TKT: variants seen among roughly 807,000 people sequenced by gnomAD.
The protein encoded by TKT is transketolase.
Under a neutral mutation model 63.9 loss-of-function variants are expected in TKT, and 47 were observed. That is an observed-to-expected ratio of 0.74 (90% CI 0.58 to 0.94). The LOEUF (loss-of-function observed/expected upper bound fraction) is 0.94. Ranked by LOEUF, TKT falls within the 40% of genes least tolerant of loss-of-function variation. The probability of loss-of-function intolerance (pLI) is 0.00; values close to 1 mark genes in which losing one functional copy is unlikely to be tolerated. For synonymous variants in TKT, 338 were observed against 334.1 expected, an observed-to-expected ratio of 1.01 and a Z score of -0.13; for missense variants, 721 against 846.2, an observed-to-expected ratio of 0.85 and a Z score of 1.84.
chr3:53,249,020 G>A (rs553491621), intron 1 of TKT, among the ~76,000 whole-genome samples: 9 of 151,876 alleles, frequency 5.9e-5, no homozygotes, highest in East Asian at 3.9e-4. Context: ...AGGCTGGAGT[G>A]CAGTGGTACA....
chr3:53,250,723 G>A (rs1048582742), intron 1 of TKT, among the ~76,000 whole-genome samples: 8 of 152,186 alleles, frequency 5.3e-5, no homozygotes, highest in Non-Finnish European at 1.2e-4. Flanking sequence ...AGTGAGCAGA[G>A]ATCACGCCAC....
chr3:53,230,341 T>C (rs966923522), intron 8 of TKT, 116 bp downstream of exon 8: 1 of 1,351,462 alleles, frequency 7.4e-7, no homozygotes, highest in Non-Finnish European at 1.0e-6. Context: ...TTTCTTATAG[T>C]CTCCCTGGGC....
chr3:53,225,197 G>A lies in TKT; in HGVS notation c.*559C>T, dbSNP rs2106649188. Reference sequence around the variant, plus strand: ...TTTCCCCCAGGACGAAGGCTGCCCTGTCTCTGCTTCTCTGAGATGCCTAGT... The same window carrying A: ...TTTCCCCCAGGACGAAGGCTGCCCTATCTCTGCTTCTCTGAGATGCCTAGT... On this transcript the variant is annotated 3_prime_UTR_variant, in exon 14 of 14. Transcript: ENST00000462138. The A allele has an allele frequency of 6.6e-6, 1 of 152,406 alleles. No homozygotes were observed. The highest frequency in any genetic ancestry group is 1.9e-4 in the East Asian group (1 of 5,182). The allele number at this position is 152,406 out of a possible 1,614,324, so 9.4% of individuals were successfully genotyped here. A position where few individuals can be genotyped will look rare whatever the true frequency, so the allele number is the denominator to read the frequency against.
intron 1 of TKT, among the ~76,000 whole-genome samples, chr3:53,243,327 A>G (rs34618710): frequency 6.6e-6 from 1 of 151,948 alleles, no homozygotes; most frequent in African/African-American, 2.4e-5. Flanking sequence ...CTCCACATGC[A>G]GCTCAGCTCA....
In TKT at chr3:53,225,943, A is replaced by C; in HGVS notation, c.1697-12T>G. The C allele has an allele frequency of 1.9e-6, 3 of 1,600,882 alleles. No homozygotes were observed. The highest frequency in any genetic ancestry group is 2.6e-6 in the Non-Finnish European group (3 of 1,171,438). On this transcript the variant is annotated splice_polypyrimidine_tract_variant and intron_variant, in intron 13 of 13. Transcript: ENST00000462138. ...CTCACCAATGCCACCTAGAAATGAA[A>C]GGAGGGGAGTCAGAAGACGAGGCCT...
chr3:53,231,863 G>A (rs1704779238), intron 6 of TKT: 1 of 388,440 alleles, frequency 2.6e-6, no homozygotes. Flanking sequence ...CTTCACCAAT[G>A]TGTCCATTCT....
chr3:53,239,678 C>A (rs1259065236), intron 4 of TKT, among the ~76,000 whole-genome samples: 2 of 152,074 alleles, frequency 1.3e-5, no homozygotes, highest in African/African-American at 4.8e-5. Flanking sequence ...CTGGTGGGCG[C>A]TAGAGCAGCA....
chr3:53,227,775 A>G (rs1413638123), intron 12 of TKT: 4 of 356,286 alleles, frequency 1.1e-5, no homozygotes, highest in Non-Finnish European at 2.1e-5. Context: ...CCCAGCTGGC[A>G]GGCTCCAGGC....
chr3:53,251,919 CACCTGAGGTCAGGAGTTCA>C (rs1553681691), intron 1 of TKT, among the ~76,000 whole-genome samples: 1 of 152,204 alleles, frequency 6.6e-6, no homozygotes, highest in African/African-American at 2.4e-5. Context: ...GCGGGCGGAT[CACCTGAGGTCAGGAGTTCA>C]AGACCAACCT....
intron 1 of TKT, among the ~76,000 whole-genome samples, chr3:53,254,544 G>A (rs1400922571): frequency 6.6e-6 from 1 of 152,164 alleles, no homozygotes; most frequent in South Asian, 2.1e-4. Flanking sequence ...AATGAAATTG[G>A]CCAGAAGCCA....
At chr3:53,235,977 G>C (rs1171232785) in intron 4 of TKT, among the ~76,000 whole-genome samples, 1 of 152,288 alleles carries the variant, frequency 6.6e-6, no homozygotes, top group African/African-American at 2.4e-5. Context: ...GTAGCAGAGG[G>C]ACGGCAGCAA....
In TKT at chr3:53,238,437, G is replaced by A. The variant is rs569881985; in HGVS notation, c.437+1814C>T. 2.0e-5 allele frequency among the ~76,000 whole-genome samples: 3 copies of A among 152,346 alleles called. No individual in the cohort carries two copies. In the South Asian group the frequency reaches 6.2e-4, roughly 32 times the overall value. On this transcript the variant is annotated intron_variant, in intron 4 of 13. Coordinates refer to ENST00000462138, the MANE Select transcript of TKT (RefSeq NM_001064.4). ...TGTGGTCAGGTGACACTGGCCTGAA[G>A]GGGTCTGGAAGGGACTGTGAGGCCT...
In TKT at chr3:53,233,238, C is replaced by A. The variant is rs143404282; in HGVS notation, c.666G>T (p.Glu222Asp). The stretch of plus-strand genomic sequence containing the variant: ...CCTGGCCAAAGGCCTTGCACAGCTC[C>A]TCCACGCTGTGTCCATCCACGATGA... The part of the protein sequence containing the change: ...HAIIVDGHSV[E>D]ELCKAFGQAK... The change falls in exon 6 of 14, where the codon GAG becomes GAT. Residue 222 changes from glutamate (E) to aspartate (D), a missense_variant. Glu to Asp is a conservative substitution (Grantham distance 45). Transcript: ENST00000462138. 1 of 1,613,462 alleles carries A rather than the reference C, an allele frequency of 6.2e-7. No individual in the cohort carries two copies. The highest frequency in any genetic ancestry group is 2.2e-5 in the East Asian group (1 of 44,850).
intron 1 of TKT, among the ~76,000 whole-genome samples, chr3:53,253,467 T>C (rs78520660): frequency 0.031 from 4,660 of 152,080 alleles, 226 homozygotes; most frequent in South Asian, 0.13. Context: ...TCACCACACC[T>C]AGCCAATTAA....
chr3:53,231,258 G>A (rs575349578), intron 7 of TKT, 99 bp downstream of exon 7: 19 of 1,361,548 alleles, frequency 1.4e-5, no homozygotes, highest in South Asian at 4.0e-5. Flanking sequence ...TAAATGAATC[G>A]CTCTCCTCCC....
chr3:53,225,663 A>G lies in TKT; in HGVS notation c.*93T>C. 2.2e-6 allele frequency: 3 copies of G among 1,361,614 alleles called. No individual in the cohort carries two copies. Among genetic ancestry groups the G allele is most frequent in the Non-Finnish European group, 3.0e-6 (3 of 1,011,480 alleles). The allele number at this position is 1,361,614 out of a possible 1,614,324, so 84.3% of individuals were successfully genotyped here. ...TCAGGGCCAATTCATTTTTCTCAAA[A>G]CATATATTTACCCCTCCTCTCAGTA... On this transcript the variant is annotated 3_prime_UTR_variant, in exon 14 of 14. Coordinates refer to ENST00000462138, the MANE Select transcript of TKT (RefSeq NM_001064.4).
At chr3:53,241,952 A>G (rs964394869) in intron 2 of TKT, 173 bp downstream of exon 2, 43 of 634,716 alleles carry the variant, frequency 6.8e-5, no homozygotes, top group Non-Finnish European at 1.0e-4. Flanking sequence ...TTCCTTAGCC[A>G]GCTGGGTCAG....
At chr3:53,237,345 A>G (rs1705075483) in intron 4 of TKT, among the ~76,000 whole-genome samples, 1 of 151,994 alleles carries the variant, frequency 6.6e-6, no homozygotes, top group African/African-American at 2.4e-5. Flanking sequence ...CTAAGATGGC[A>G]CCACTGCACT....
At position 53,254,527 on chromosome 3, in the gene TKT, T is replaced by C. The variant is rs573559045; in HGVS notation, c.107+1309A>G. On this transcript the variant is annotated intron_variant, in intron 1 of 13. Coordinates refer to ENST00000462138, the MANE Select transcript of TKT (RefSeq NM_001064.4). ...TGAACAGATTTACTTCTTAATAATA[T>C]ATCCTGAATGAAATTGGCCAGAAGC... is the stretch of plus-strand genomic sequence containing the variant. 4.6e-5 allele frequency among the ~76,000 whole-genome samples: 7 copies of C among 152,330 alleles called. No homozygotes were observed. In the South Asian group the frequency reaches 1.4e-3, roughly 32 times the overall value.
Sources: gnomAD v4.1 joint callset for allele counts (sites outside exome capture counted in the v4.1 genomes callset) on GRCh38, gnomAD v4.1.1 for gene constraint, MANE v1.5 for transcripts, NCBI Gene and HGNC (gene_info 2026-07-23, HGNC 2026-07-21) for gene names.